Variants in USP54 observed in about 807,000 individuals in gnomAD.
USP54 encodes the protein ubiquitin carboxyl-terminal hydrolase 54.
A neutral mutation model predicts 170.5 loss-of-function variants in USP54; 87 were observed. That is an observed-to-expected ratio of 0.51 (90% confidence interval 0.43 to 0.61). The LOEUF is 0.61. USP54 is among the 20% of genes least tolerant of loss of function. The pLI is 0.00. For synonymous variants in USP54, 655 were observed against 742.8 expected, an observed-to-expected ratio of 0.88 and a Z score of 1.92; for missense variants, 1,786 against 2,047.8, an observed-to-expected ratio of 0.87 and a Z score of 2.47.
At chr10:73,517,787 C>T in intron 19 of USP54, 40 bp from the exon 20 acceptor site, 2 of 1,558,686 alleles carry the variant, frequency 1.3e-6, no homozygotes, top group Non-Finnish European at 1.7e-6. Flanking sequence ...GCTGCCTTGA[C>T]TGACAGGAAC....
At chr10:73,546,836 T>G (rs2067953562) in intron 4 of USP54, among the ~76,000 whole-genome samples, 1 of 152,202 alleles carries the variant, frequency 6.6e-6, no homozygotes, top group South Asian at 2.1e-4. Context: ...ATTTTGGCTG[T>G]CTCCAATTTT....
chr10:73,516,197 C>G (rs186083716), intron 20 of USP54, among the ~76,000 whole-genome samples, 178 bp downstream of exon 20: 1 of 152,302 alleles, frequency 6.6e-6, no homozygotes, highest in Admixed American at 6.5e-5. Flanking sequence ...TTCCTCCACT[C>G]TAGCCAGAAA....
rs2076095436 is a variant in USP54, at chr10:73,576,330, C to T, written c.-550G>A. On this transcript the variant is annotated 5_prime_UTR_variant, in exon 2 of 24. Coordinates refer to ENST00000687698, the MANE Select transcript of USP54 (RefSeq NM_001391956.1). ...CTTCAGCAAGTCTCTCCTCTTTCTTCTGGGACTAGAATAGCCAGCTGTGTC... is the reference window on the plus strand; with the variant it reads ...CTTCAGCAAGTCTCTCCTCTTTCTTTTGGGACTAGAATAGCCAGCTGTGTC... The T allele has an allele frequency of 6.6e-6, 1 of 152,048 alleles. No individual in the cohort carries two copies. Among genetic ancestry groups the T allele is most frequent in the African/African-American group, 2.4e-5 (1 of 41,410 alleles). 9.4% of individuals were successfully genotyped at this position (152,048 alleles called of 1,614,324 possible).
intron 1 of USP54, among the ~76,000 whole-genome samples, chr10:73,590,705 C>T (rs1026655380): frequency 6.6e-6 from 1 of 152,140 alleles, no homozygotes; most frequent in Non-Finnish European, 1.5e-5. Context: ...TTCCCAGAAG[C>T]ATCTGTTAAC....
chr10:73,564,717 C>A (rs111571966), intron 4 of USP54, among the ~76,000 whole-genome samples: 5,372 of 152,158 alleles, frequency 0.035, 152 homozygotes, highest in South Asian at 0.12. Context: ...ACCTGCTGAG[C>A]ATTTAACTGC....
At chr10:73,566,149 G>A (rs1363024939) in intron 4 of USP54, among the ~76,000 whole-genome samples, 1 of 152,158 alleles carries the variant, frequency 6.6e-6, no homozygotes, top group African/African-American at 2.4e-5. Flanking sequence ...AGAATCACTT[G>A]AACCCGGGAG....
intron 3 of USP54, among the ~76,000 whole-genome samples, chr10:73,572,926 T>G (rs967107681): frequency 2.0e-5 from 3 of 152,154 alleles, no homozygotes; most frequent in African/African-American, 4.8e-5. Flanking sequence ...CACATTTATA[T>G]CAATGCCTTA....
rs2077150645 is a variant in USP54, at chr10:73,583,696, C to G, written c.-581-7335G>C. Among the ~76,000 whole-genome samples the G allele has an allele frequency of 2.6e-5, 4 of 152,032 alleles. No individual in the cohort carries two copies. In the South Asian group the frequency reaches 8.3e-4, roughly 32 times the overall value. ...CCTGGAAATTCAAGCCTGTAGTGAG[C>G]TATGACTGTGCCACTGCACTCCAGC... On this transcript the variant is annotated intron_variant, in intron 1 of 23. Coordinates refer to ENST00000687698, the MANE Select transcript of USP54 (RefSeq NM_001391956.1).
At chr10:73,525,194 T>C (rs1044498241) in intron 16 of USP54, among the ~76,000 whole-genome samples, 1 of 152,184 alleles carries the variant, frequency 6.6e-6, no homozygotes, top group Non-Finnish European at 1.5e-5. Flanking sequence ...CAGAAAGATA[T>C]ATACCGCAAT....
At chr10:73,518,149 A>T in intron 19 of USP54, 1 of 984,380 alleles carries the variant, frequency 1.0e-6, no homozygotes, top group Non-Finnish European at 1.2e-6. Flanking sequence ...CATACCAAAC[A>T]GCAAAAATCC....
upstream of USP54, among the ~76,000 whole-genome samples, chr10:73,594,373 TAA>T (rs2078547576): frequency 6.6e-6 from 1 of 151,938 alleles, no homozygotes; most frequent in African/African-American, 2.4e-5. Flanking sequence ...GCCCAGCCAA[TAA>T]AAGACTCTAG....
intron 7 of USP54, chr10:73,541,939 C>G: frequency 1.7e-6 from 1 of 581,352 alleles, no homozygotes; most frequent in South Asian, 2.0e-5. Flanking sequence ...AATCCCCACT[C>G]CTCCTCCCAC....
intron 1 of USP54, among the ~76,000 whole-genome samples, chr10:73,582,326 C>G (rs1004277599): frequency 1.3e-5 from 2 of 151,758 alleles, no homozygotes; most frequent in African/African-American, 4.8e-5. Flanking sequence ...TTTGTTCGTG[C>G]AAAGCCTGGG....
chr10:73,525,866 T>C (rs2062756256), intron 16 of USP54, among the ~76,000 whole-genome samples: 1 of 152,254 alleles, frequency 6.6e-6, no homozygotes, highest in African/African-American at 2.4e-5. Flanking sequence ...GAATTGTCAG[T>C]AACTATCAAG....
In USP54 at chr10:73,534,483, C is replaced by T. The variant is rs932656025; in HGVS notation, c.1315+117G>A. The T allele has an allele frequency of 3.9e-5, 50 of 1,278,752 alleles. No homozygotes were observed. In the African/African-American group the frequency reaches 5.7e-4, roughly 14 times the overall value. 79.2% of individuals were successfully genotyped at this position (1,278,752 alleles called of 1,614,324 possible). On this transcript the variant is annotated intron_variant, in intron 12 of 23. Coordinates refer to ENST00000687698, the MANE Select transcript of USP54 (RefSeq NM_001391956.1). ...CACCTTGGCCGCCCGCCTCGGCCTC[C>T]CAAAGTGCTGGGATTACAGGTGTGA...
chr10:73,596,102 A>C (rs1352184505), upstream of USP54, among the ~76,000 whole-genome samples: 17 of 142,342 alleles, frequency 1.2e-4, no homozygotes, highest in African/African-American at 4.5e-4. Context: ...CAGAGCCAAG[A>C]CTCCATCTCA....
chr10:73,563,343 T>C (rs1271778381), intron 4 of USP54, among the ~76,000 whole-genome samples: 1 of 152,158 alleles, frequency 6.6e-6, no homozygotes, highest in Non-Finnish European at 1.5e-5. Context: ...GGGGCAAGCA[T>C]TTTTCATATG....
chr10:73,589,835 T>C (rs1293463049), intron 1 of USP54, among the ~76,000 whole-genome samples: 3 of 152,080 alleles, frequency 2.0e-5, no homozygotes, highest in African/African-American at 7.2e-5. Context: ...ATAAAGAAGA[T>C]TTCCTCTGTA....
chr10:73,499,014 A>T lies in USP54; in HGVS notation c.4670T>A (p.Leu1557Gln). Reference sequence around the variant, plus strand: ...TTGAGGATTGCACCCTGGAGTAGTCAGGAATCTGGTCCCAATATGCTGGTT... The same window carrying T: ...TTGAGGATTGCACCCTGGAGTAGTCTGGAATCTGGTCCCAATATGCTGGTT... The part of the protein sequence containing the change: ...ETNQHIGTRF[L>Q]TTPGCNPQLT... The change falls in exon 24 of 24, where the codon CTG becomes CAG. Residue 1557 changes from leucine (L) to glutamine (Q), a missense_variant. By Grantham distance (113) the Leu-to-Gln change is moderately radical (BLOSUM62 -2). This residue lies in a region of USP54 where 1,418 missense variants were observed against 1,569.0 expected (regional missense o/e 0.90). Transcript: ENST00000687698. 1 of 1,614,160 alleles carries T rather than the reference A, an allele frequency of 6.2e-7. No individual in the cohort carries two copies. Among genetic ancestry groups the T allele is most frequent in the Non-Finnish European group, 8.5e-7 (1 of 1,180,024 alleles).
Sources: allele counts gnomAD v4.1 joint callset (sites outside exome capture counted in the v4.1 genomes callset), GRCh38; gene constraint gnomAD v4.1.1; regional missense constraint gnomAD v4.1.1; transcripts MANE v1.5; gene names NCBI Gene and HGNC (gene_info 2026-07-23, HGNC 2026-07-21).